Variants in IL7 observed in about 807,000 individuals in gnomAD.
IL7 encodes the protein interleukin 7.
A neutral mutation model predicts 21.6 loss-of-function variants in IL7; 3 were observed. That is an observed-to-expected ratio of 0.14 (90% CI 0.06 to 0.36). The LOEUF (loss-of-function observed/expected upper bound fraction) is 0.36. Ranked by LOEUF, IL7 falls within the 10% of genes least tolerant of loss-of-function variation. The pLI, the probability that IL7 is intolerant of heterozygous loss-of-function variation, is 1.00. For synonymous variants in IL7, 62 were observed against 68.1 expected, an observed-to-expected ratio of 0.91 and a Z score of 0.44; for missense variants, 175 against 200.2, an observed-to-expected ratio of 0.87 and a Z score of 0.76.
At chr8:78,678,961 A>T (rs968232085) in intron 4 of IL7, 6 of 204,960 alleles carry the variant, frequency 2.9e-5, no homozygotes, top group Non-Finnish European at 5.8e-5. Flanking sequence ...TTGGAGAGCC[A>T]ATTGCTGTCC....
chr8:78,797,240 T>C (rs1392502169), intron 2 of IL7, among the ~76,000 whole-genome samples: 2 of 151,922 alleles, frequency 1.3e-5, no homozygotes, highest in African/African-American at 4.8e-5. Flanking sequence ...CAGTGGTTAC[T>C]AGGAGTTCAG....
chr8:78,784,413 T>C (rs1292034040), intron 2 of IL7, among the ~76,000 whole-genome samples: 2 of 152,224 alleles, frequency 1.3e-5, no homozygotes, highest in Non-Finnish European at 2.9e-5. Context: ...TCCATGGTTC[T>C]TTGATATGGC....
downstream of IL7, among the ~76,000 whole-genome samples, chr8:78,716,070 A>G (rs1024675735): frequency 3.3e-5 from 5 of 149,480 alleles, no homozygotes; most frequent in Middle Eastern, 3.3e-3. Context: ...GTTATAGTGT[A>G]TAGTTCATCT....
chr8:78,749,614 A>G (rs1812101249), intron 2 of IL7, among the ~76,000 whole-genome samples: 1 of 152,170 alleles, frequency 6.6e-6, no homozygotes, highest in East Asian at 1.9e-4. Context: ...CTGAAGGCTC[A>G]GTGTGAAACA....
At chr8:78,679,742 A>T (rs544417727) in intron 4 of IL7, among the ~76,000 whole-genome samples, 41 of 152,328 alleles carry the variant, frequency 2.7e-4, no homozygotes, top group South Asian at 2.5e-3. Context: ...CCAGTGGTAT[A>T]AGAACATTTT....
chr8:78,775,799 G>A (rs544721635), intron 2 of IL7, among the ~76,000 whole-genome samples: 1 of 152,118 alleles, frequency 6.6e-6, no homozygotes, highest in East Asian at 1.9e-4. Flanking sequence ...CTGGGGGGGC[G>A]CTTAGAAGTA....
intron 3 of IL7, among the ~76,000 whole-genome samples, chr8:78,710,802 G>C (rs768313921): frequency 9.9e-5 from 15 of 152,018 alleles, no homozygotes; most frequent in Non-Finnish European, 2.1e-4. Context: ...AATGAAGGCT[G>C]CTTTTAAGAA....
intron 2 of IL7, chr8:78,761,535 G>A (rs539568501): frequency 1.9e-6 from 3 of 1,611,738 alleles, no homozygotes; most frequent in Non-Finnish European, 2.5e-6. Context: ...GCTTCATAAG[G>A]CAGGAAGCCT....
chr8:78,765,961 G>A (rs1812742020), intron 2 of IL7, among the ~76,000 whole-genome samples: 1 of 152,092 alleles, frequency 6.6e-6, no homozygotes, highest in South Asian at 2.1e-4. Flanking sequence ...GTAAACTGTG[G>A]TGCTTCCAGA....
chr8:78,769,405 G>T (rs1481667243), intron 2 of IL7, among the ~76,000 whole-genome samples: 2 of 152,000 alleles, frequency 1.3e-5, no homozygotes, highest in Non-Finnish European at 2.9e-5. Context: ...CAAACAGAGA[G>T]CCAAATCATG....
intron 3 of IL7, among the ~76,000 whole-genome samples, chr8:78,693,522 A>C (rs991333199): frequency 2.0e-5 from 3 of 152,112 alleles, no homozygotes; most frequent in African/African-American, 7.2e-5. Flanking sequence ...TGGCCGCATA[A>C]ATGTCTTCTT....
intron 3 of IL7, among the ~76,000 whole-genome samples, chr8:78,695,975 A>T (rs934380159): frequency 6.6e-6 from 1 of 152,136 alleles, no homozygotes. Context: ...CTTAAATTTT[A>T]TATTGATTAT....
intron 2 of IL7, among the ~76,000 whole-genome samples, chr8:78,740,600 C>T (rs951730617): frequency 6.6e-6 from 1 of 152,200 alleles, no homozygotes; most frequent in African/African-American, 2.4e-5. Context: ...CTGTTTTACA[C>T]TCTTTTCAGT....
chr8:78,679,739 T>C (rs1660973658), intron 4 of IL7, among the ~76,000 whole-genome samples: 1 of 152,204 alleles, frequency 6.6e-6, no homozygotes, highest in Non-Finnish European at 1.5e-5. Flanking sequence ...CTTCCAGTGG[T>C]ATAAGAACAT....
intron 2 of IL7, among the ~76,000 whole-genome samples, chr8:78,768,712 T>G (rs1265823617): frequency 1.3e-5 from 2 of 151,950 alleles, no homozygotes; most frequent in African/African-American, 4.8e-5. Context: ...TTTCTCCCAT[T>G]TTGTATGTTG....
At chr8:78,785,758 C>G (rs936516865) in intron 2 of IL7, among the ~76,000 whole-genome samples, 4 of 152,060 alleles carry the variant, frequency 2.6e-5, no homozygotes, top group Non-Finnish European at 5.9e-5. Context: ...TAAAGTGGAC[C>G]ACTCTGTGCT....
intron 4 of IL7, chr8:78,678,485 T>G: frequency 9.5e-7 from 1 of 1,052,170 alleles, no homozygotes; most frequent in Non-Finnish European, 1.4e-6. Context: ...TTTAAACTGG[T>G]CTCAATGTAA....
At chr8:78,690,356 A>G (rs1288164736) in intron 3 of IL7, among the ~76,000 whole-genome samples, 2 of 152,112 alleles carry the variant, frequency 1.3e-5, no homozygotes, top group Non-Finnish European at 2.9e-5. Context: ...GTCAGGAGAT[A>G]AAGACCATCC....
At chr8:78,710,763 T>G (rs1025628912) in intron 3 of IL7, among the ~76,000 whole-genome samples, 3 of 152,080 alleles carry the variant, frequency 2.0e-5, no homozygotes, top group African/African-American at 7.2e-5. Context: ...TTTAAAATAT[T>G]TTAGAAATTT....
Sources: allele counts gnomAD v4.1 joint callset (sites outside exome capture counted in the v4.1 genomes callset), GRCh38; gene constraint gnomAD v4.1.1; transcripts MANE v1.5; gene names NCBI Gene and HGNC (gene_info 2026-07-23, HGNC 2026-07-21).